The following ARHGEF28 variants were observed in gnomAD, a reference collection of about 807,000 sequenced individuals.
ARHGEF28 encodes the protein 190 kDa guanine nucleotide exchange factor.
A neutral mutation model predicts 206.6 loss-of-function variants in ARHGEF28; 152 were observed. The ratio of observed to expected loss-of-function variants is 0.74; its 90% confidence interval spans 0.64 to 0.84. The LOEUF (loss-of-function observed/expected upper bound fraction) is 0.84. Ranked by LOEUF, ARHGEF28 falls within the 40% of genes least tolerant of loss-of-function variation. ARHGEF28 has a pLI of 0.00. For missense variants in ARHGEF28, 2,028 were observed against 2,073.2 expected (o/e 0.98, Z 0.42); for synonymous variants, 763 against 776.4 (o/e 0.98, Z 0.29).
chr5:73,629,507 C>CAA (rs70973265), intron 1 of ARHGEF28, among the ~76,000 whole-genome samples: 4,891 of 138,282 alleles, frequency 0.035, 268 homozygotes, highest in African/African-American at 0.12. Context: ...GACTCTGTCT[C>CAA]AAAAAAAAAA....
chr5:73,797,590 G>A (rs1347327698), intron 9 of ARHGEF28, among the ~76,000 whole-genome samples: 1 of 151,930 alleles, frequency 6.6e-6, no homozygotes, highest in Non-Finnish European at 1.5e-5. Flanking sequence ...TAGTAGAGTC[G>A]GGGTTTCGCC....
At chr5:73,687,699 T>G (rs1275517102) in intron 2 of ARHGEF28, among the ~76,000 whole-genome samples, 1 of 151,886 alleles carries the variant, frequency 6.6e-6, no homozygotes, top group Non-Finnish European at 1.5e-5. Context: ...TTTACTAAAT[T>G]TTTGTTCATA....
At chr5:73,637,368 A>G (rs1561300577) in intron 1 of ARHGEF28, among the ~76,000 whole-genome samples, 2 of 151,946 alleles carry the variant, frequency 1.3e-5, no homozygotes, top group East Asian at 1.9e-4. Context: ...TAGTCTCACA[A>G]TTTTTTTCCT....
intron 2 of ARHGEF28, among the ~76,000 whole-genome samples, chr5:73,706,168 GCAGA>G (rs201391001): frequency 0.018 from 2,687 of 152,264 alleles, 34 homozygotes; most frequent in Non-Finnish European, 0.028. Flanking sequence ...CGGACAGGAA[GCAGA>G]CAAAGTCTAG....
At position 73,941,944 on chromosome 5, in the gene ARHGEF28, G is replaced by A. The variant is rs541885465; in HGVS notation, c.*931G>A. On this transcript the variant is annotated 3_prime_UTR_variant, in exon 36 of 36. Transcript: ENST00000513042. ...ACCAGGAGATATTTTCATCTTGTTCGGAAATACTTGTATGTATTTTGGTGT... is the reference window on the plus strand; with the variant it reads ...ACCAGGAGATATTTTCATCTTGTTCAGAAATACTTGTATGTATTTTGGTGT... The A allele has an allele frequency of 4.6e-5, 7 of 152,138 alleles. No individual in the cohort carries two copies. In the South Asian group the frequency reaches 1.5e-3, roughly 32 times the overall value. 9.4% of individuals were successfully genotyped at this position (152,138 alleles called of 1,614,324 possible).
In ARHGEF28 at chr5:73,841,389, C is replaced by T. The variant is rs370419185; in HGVS notation, c.1427+629C>T. Among the ~76,000 whole-genome samples, 42 of 152,104 alleles carry T rather than the reference C, an allele frequency of 2.8e-4. 1 individual carries two copies. The South Asian group carries it at 8.5e-3, about 31-fold the overall frequency. Reference sequence around the variant, plus strand: ...TAAAAAATATATTATTATAGGGCACCTACATATGTGCATAAGCTATAAAGA... The same window carrying T: ...TAAAAAATATATTATTATAGGGCACTTACATATGTGCATAAGCTATAAAGA... On this transcript the variant is annotated intron_variant, in intron 11 of 35. Coordinates refer to ENST00000513042, the MANE Select transcript of ARHGEF28 (RefSeq NM_001177693.2).
At chr5:73,756,131 A>G (rs914040248) in intron 4 of ARHGEF28, among the ~76,000 whole-genome samples, 1 of 152,230 alleles carries the variant, frequency 6.6e-6, no homozygotes, top group Non-Finnish European at 1.5e-5. Context: ...ACAATGAGGC[A>G]TAGTAGTACC....
At chr5:73,908,269 T>C (rs1762657663) in intron 33 of ARHGEF28, 1 of 152,230 alleles carries the variant, frequency 6.6e-6, no homozygotes, top group South Asian at 2.1e-4. Flanking sequence ...ATTTAAAATA[T>C]ACCTTAGTTC....
intron 1 of ARHGEF28, among the ~76,000 whole-genome samples, chr5:73,675,437 G>A (rs767269645): frequency 2.0e-5 from 3 of 152,020 alleles, no homozygotes; most frequent in Non-Finnish European, 2.9e-5. Flanking sequence ...TGAAAATAAA[G>A]TATGAAAATA....
At chr5:73,902,832 C>G (rs1420672405) in intron 31 of ARHGEF28, 1 of 152,178 alleles carries the variant, frequency 6.6e-6, no homozygotes, top group Non-Finnish European at 1.5e-5. Context: ...GCGGGTAGCA[C>G]AGTCCAACTC....
At chr5:73,627,122 A>G (rs1323324299) in intron 1 of ARHGEF28, 1 of 152,238 alleles carries the variant, frequency 6.6e-6, no homozygotes, top group Non-Finnish European at 1.5e-5. Context: ...CTATAGGCCC[A>G]CAGCGTCCCC....
At chr5:73,859,996 G>C (rs1759291166) in intron 16 of ARHGEF28, among the ~76,000 whole-genome samples, 1 of 152,158 alleles carries the variant, frequency 6.6e-6, no homozygotes, top group South Asian at 2.1e-4. Flanking sequence ...TCACTTTCTA[G>C]TCAAGTCTGA....
chr5:73,726,754 C>G (rs1750298423), intron 2 of ARHGEF28, among the ~76,000 whole-genome samples: 1 of 152,176 alleles, frequency 6.6e-6, no homozygotes, highest in East Asian at 1.9e-4. Flanking sequence ...GTGAACGAGG[C>G]ATGTTTAAGC....
intron 1 of ARHGEF28, among the ~76,000 whole-genome samples, chr5:73,674,086 A>T (rs1432741755): frequency 5.3e-5 from 8 of 151,668 alleles, no homozygotes; most frequent in African/African-American, 1.9e-4. Context: ...TGGGAGGATC[A>T]CTTGAACTGG....
At chr5:73,717,234 TA>T in intron 2 of ARHGEF28, among the ~76,000 whole-genome samples, 1 of 152,278 alleles carries the variant, frequency 6.6e-6, no homozygotes, top group Non-Finnish European at 1.5e-5. Flanking sequence ...AATTATTTAG[TA>T]TGCTGGCTTT....
rs747634314 is a variant in ARHGEF28, at chr5:73,894,495, T to A, written c.3761T>A (p.Leu1254Gln). The part of the protein sequence containing the change: ...GELSGFEDVH[L>Q]EPHLLIKPDP... ...CTGAGCGGATTTGAGGACGTCCATC[T>A]AGAGCCCCACCTCCTTATTAAACCT... The change falls in exon 29 of 36, where the codon CTA (leucine) becomes CAA (glutamine). Residue 1254 changes from leucine (L) to glutamine (Q), a missense_variant. Leu to Gln is a moderately radical substitution (Grantham distance 113, BLOSUM62 -2). Transcript: ENST00000513042. 16 of 1,613,966 alleles carry A rather than the reference T, an allele frequency of 9.9e-6. No homozygotes were observed. In the Admixed American group the frequency reaches 2.7e-4, roughly 27 times the overall value.
At chr5:73,734,283 T>C (rs745349820) in intron 2 of ARHGEF28, among the ~76,000 whole-genome samples, 4 of 152,108 alleles carry the variant, frequency 2.6e-5, no homozygotes, top group Non-Finnish European at 5.9e-5. Context: ...TGGGATGAGA[T>C]GGCCTGAAAT....
chr5:73,925,940 T>G (rs1242464494), intron 35 of ARHGEF28, among the ~76,000 whole-genome samples: 1 of 152,258 alleles, frequency 6.6e-6, no homozygotes, highest in African/African-American at 2.4e-5. Context: ...GAATTATGTT[T>G]ATATTTCTCT....
chr5:73,914,554 A>G (rs1379247335), intron 35 of ARHGEF28, among the ~76,000 whole-genome samples: 1 of 151,416 alleles, frequency 6.6e-6, no homozygotes, highest in African/African-American at 2.4e-5. Flanking sequence ...CCGCCATCAC[A>G]CCTGGCTGAT....
Sources: allele counts gnomAD v4.1 joint callset (sites outside exome capture counted in the v4.1 genomes callset), GRCh38; gene constraint gnomAD v4.1.1; transcripts MANE v1.5; gene names NCBI Gene and HGNC (gene_info 2026-07-23, HGNC 2026-07-21).